ITGA8: variants seen among roughly 807,000 people sequenced by gnomAD.
The protein encoded by ITGA8 is integrin subunit alpha 8, also known as integrin alpha-8.
A neutral mutation model predicts 142.3 loss-of-function variants in ITGA8; 91 were observed. That is an observed-to-expected ratio of 0.64 (90% confidence interval 0.54 to 0.76). The LOEUF is 0.76. Ranked by LOEUF, ITGA8 falls within the 30% of genes least tolerant of loss-of-function variation. ITGA8 has a pLI of 0.00. For missense variants in ITGA8, 1,406 were observed against 1,327.7 expected (o/e 1.06, Z -0.92); for synonymous variants, 505 against 485.2 (o/e 1.04, Z -0.54).
intron 26 of ITGA8, among the ~76,000 whole-genome samples, chr10:15,557,812 G>A (rs1440609821): frequency 1.3e-5 from 2 of 152,224 alleles, no homozygotes; most frequent in South Asian, 4.1e-4. Flanking sequence ...TGGATTGAAG[G>A]TCACAGTTGA....
chr10:15,599,856 G>A (rs752515451), intron 20 of ITGA8, among the ~76,000 whole-genome samples: 2 of 152,166 alleles, frequency 1.3e-5, no homozygotes, highest in Non-Finnish European at 2.9e-5. Context: ...GGGAGACAGA[G>A]GTTGCAGTGA....
rs887041243 is a variant in ITGA8 at position 15,572,851 on chromosome 10, T to C, written c.2479-482A>G. On this transcript the variant is annotated intron_variant, in intron 24 of 29. Coordinates refer to ENST00000378076, the MANE Select transcript of ITGA8 (RefSeq NM_003638.3). Reference sequence around the variant, plus strand: ...TCCATCAAGTGCCAAGGCGGGCCCATGATCACCACAGTTCATTTCGAGTGC... The same window carrying C: ...TCCATCAAGTGCCAAGGCGGGCCCACGATCACCACAGTTCATTTCGAGTGC... Among the ~76,000 whole-genome samples, 9 of 152,316 alleles carry C rather than the reference T, an allele frequency of 5.9e-5. No homozygotes were observed. The South Asian group carries it at 1.4e-3, about 25-fold the overall frequency.
At chr10:15,575,629 T>C (rs370320806) in intron 23 of ITGA8, 35 bp from the exon 24 acceptor site, 225 of 1,524,416 alleles carry the variant, frequency 1.5e-4, no homozygotes, top group Middle Eastern at 8.5e-4. Flanking sequence ...TTGTTAGCAA[T>C]GGCCCAGGTA....
At chr10:15,571,604 G>A (rs1477730708) in intron 25 of ITGA8, among the ~76,000 whole-genome samples, 7 of 152,200 alleles carry the variant, frequency 4.6e-5, no homozygotes, top group Admixed American at 3.3e-4. Context: ...CACAGGAGGT[G>A]GGTGCTTGCA....
chr10:15,559,635 A>G (rs977785088), intron 25 of ITGA8, among the ~76,000 whole-genome samples: 2 of 152,184 alleles, frequency 1.3e-5, no homozygotes, highest in African/African-American at 4.8e-5. Flanking sequence ...GAAGACCTTT[A>G]TGCACTGAAC....
chr10:15,684,113 T>C lies in ITGA8; in HGVS notation c.459A>G (p.Leu153=). The change falls in exon 4 of 30, where the codon TTA becomes TTG. Residue 153 remains leucine, a synonymous_variant. Transcript: ENST00000378076. The part of the protein sequence containing the change: ...HKGKVVACAP[L]YHWRTLKPTP... Reference sequence around the variant, plus strand: ...TCGGTTTAAGAGTTCTCCAGTGATATAAAGGAGCACAGGCCTAGGAAACAT... The same window carrying C: ...TCGGTTTAAGAGTTCTCCAGTGATACAAAGGAGCACAGGCCTAGGAAACAT... 1.2e-6 allele frequency: 2 copies of C among 1,614,012 alleles called. No homozygotes were observed. The highest frequency in any genetic ancestry group is 1.1e-5 in the South Asian group (1 of 91,074).
chr10:15,605,071 A>G (rs1833170191), intron 19 of ITGA8, among the ~76,000 whole-genome samples: 1 of 152,102 alleles, frequency 6.6e-6, no homozygotes, highest in Non-Finnish European at 1.5e-5. Flanking sequence ...GATTCCAAAC[A>G]CTGGCAGTGA....
Position 15,652,370 on chromosome 10 carries a change from G to A in ITGA8, c.1001+2984C>T, listed in dbSNP as rs1189703668. ...CATGGAATGAATCCGTGCAGCAGGGGAAGAGCCCCTGGTGCTTGTTGTGTG... is the reference window on the plus strand; with the variant it reads ...CATGGAATGAATCCGTGCAGCAGGGAAAGAGCCCCTGGTGCTTGTTGTGTG... On this transcript the variant is annotated intron_variant, in intron 11 of 29. Coordinates refer to ENST00000378076, the MANE Select transcript of ITGA8 (RefSeq NM_003638.3). 1.2e-4 allele frequency among the ~76,000 whole-genome samples: 18 copies of A among 151,898 alleles called. 1 individual carries two copies.
chr10:15,571,356 G>A (rs1834179647), intron 25 of ITGA8, among the ~76,000 whole-genome samples: 1 of 152,220 alleles, frequency 6.6e-6, no homozygotes, highest in South Asian at 2.1e-4. Context: ...CTGTGTCCTG[G>A]TAGCTACTAG....
At chr10:15,547,462 C>T (rs1317301859) in intron 27 of ITGA8, among the ~76,000 whole-genome samples, 2 of 152,176 alleles carry the variant, frequency 1.3e-5, no homozygotes, top group Admixed American at 6.5e-5. Flanking sequence ...GTCCCAGCTA[C>T]TTGGGAGGCT....
In ITGA8 at chr10:15,647,008, C is replaced by T. The variant is rs1833993612; in HGVS notation, c.1045G>A (p.Glu349Lys). ...LVGAPLFMER[E>K]FESNPREVGQ... Reference sequence around the variant, plus strand: ...ACTTCTCTGGGGTTGCTCTCAAATTCACGTTCCATAAAGAGAGGTGCCCCA... The same window carrying T: ...ACTTCTCTGGGGTTGCTCTCAAATTTACGTTCCATAAAGAGAGGTGCCCCA... The change falls in exon 12 of 30, where the codon GAA becomes AAA. Residue 349 changes from glutamate to lysine, a missense_variant. Glu to Lys is a moderately conservative substitution (Grantham distance 56). Transcript: ENST00000378076. 4 of 1,613,980 alleles carry T rather than the reference C, an allele frequency of 2.5e-6. No individual in the cohort carries two copies. The highest frequency in any genetic ancestry group is 3.4e-6 in the Non-Finnish European group (4 of 1,180,026).
intron 22 of ITGA8, among the ~76,000 whole-genome samples, chr10:15,587,860 T>C (rs1832859978): frequency 6.6e-6 from 1 of 152,236 alleles, no homozygotes; most frequent in Non-Finnish European, 1.5e-5. Context: ...AAAATGTGTG[T>C]GCTATAAGGA....
chr10:15,609,810 A>G (rs537446508), intron 15 of ITGA8, among the ~76,000 whole-genome samples: 1 of 152,230 alleles, frequency 6.6e-6, no homozygotes, highest in Admixed American at 6.5e-5. Context: ...TATAAAATAA[A>G]TTCCTATTTG....
intron 3 of ITGA8, among the ~76,000 whole-genome samples, chr10:15,684,899 A>G (rs1288170761): frequency 1.3e-5 from 2 of 152,206 alleles, no homozygotes; most frequent in African/African-American, 4.8e-5. Context: ...CAAACAAGCT[A>G]GTAAACCTCT....
At chr10:15,607,162 A>G (rs936569445) in intron 17 of ITGA8, among the ~76,000 whole-genome samples, 1 of 152,216 alleles carries the variant, frequency 6.6e-6, no homozygotes, top group African/African-American at 2.4e-5. Context: ...CAAGGTGAAG[A>G]TAGGTAATTG....
intron 27 of ITGA8, among the ~76,000 whole-genome samples, chr10:15,532,439 A>G (rs1833328093): frequency 6.7e-6 from 1 of 149,512 alleles, no homozygotes; most frequent in Non-Finnish European, 1.5e-5. Context: ...AAAAAAAAAA[A>G]AAAAAAAGCC....
intron 25 of ITGA8, among the ~76,000 whole-genome samples, chr10:15,565,530 A>G (rs1834061542): frequency 6.8e-6 from 1 of 147,594 alleles, no homozygotes. Flanking sequence ...TCAGGAGTTA[A>G]TGGTAAAGAT....
intron 8 of ITGA8, among the ~76,000 whole-genome samples, chr10:15,670,540 G>C (rs1002158272): frequency 1.3e-5 from 2 of 152,136 alleles, no homozygotes; most frequent in Admixed American, 6.5e-5. Context: ...CTTTGTAAAA[G>C]AGATAAATAA....
chr10:15,681,964 C>A (rs147989613), intron 4 of ITGA8, among the ~76,000 whole-genome samples: 1 of 152,302 alleles, frequency 6.6e-6, no homozygotes, highest in Non-Finnish European at 1.5e-5. Flanking sequence ...CATAACAATA[C>A]TGACCTCTTA....
Sources: allele counts gnomAD v4.1 joint callset (sites outside exome capture counted in the v4.1 genomes callset), GRCh38; gene constraint gnomAD v4.1.1; transcripts MANE v1.5; gene names NCBI Gene and HGNC (gene_info 2026-07-23, HGNC 2026-07-21).